The following RANBP17 variants were observed in gnomAD, a reference collection of about 807,000 sequenced individuals.
RANBP17 encodes RAN binding protein 17.
A neutral mutation model predicts 141.2 loss-of-function variants in RANBP17; 158 were observed. That is an observed-to-expected ratio of 1.12 (90% CI 0.98 to 1.28). RANBP17 has a LOEUF of 1.28. RANBP17 is among the 50% of genes most tolerant of loss of function. RANBP17 has a pLI of 0.00. For synonymous variants in RANBP17, 430 were observed against 450.0 expected (o/e 0.96, Z 0.56); for missense variants, 1,438 against 1,290.7 (o/e 1.11, Z -1.75).
intron 12 of RANBP17, among the ~76,000 whole-genome samples, chr5:170,935,004 T>C (rs1402743963): frequency 6.6e-6 from 1 of 152,194 alleles, no homozygotes; most frequent in African/African-American, 2.4e-5. Flanking sequence ...TTTGTTCATT[T>C]CTTTTTACTC....
intron 14 of RANBP17, among the ~76,000 whole-genome samples, chr5:171,022,421 CTG>C (rs1004293392): frequency 6.6e-6 from 1 of 152,232 alleles, no homozygotes; most frequent in African/African-American, 2.4e-5. Context: ...TCCGCAAAGA[CTG>C]TGGCCATCCT....
intron 14 of RANBP17, among the ~76,000 whole-genome samples, chr5:171,133,132 C>T (rs984120128): frequency 1.6e-4 from 25 of 152,166 alleles, no homozygotes; most frequent in Admixed American, 1.3e-4. Context: ...GATCCACCCA[C>T]CTCAGCCTCC....
chr5:170,978,589 A>T (rs2127545802), intron 14 of RANBP17, among the ~76,000 whole-genome samples: 1 of 152,326 alleles, frequency 6.6e-6, no homozygotes. Context: ...TTCAGCTATG[A>T]TGAAGAATGA....
intron 12 of RANBP17, among the ~76,000 whole-genome samples, chr5:170,933,066 T>C (rs1773538420): frequency 6.6e-6 from 1 of 152,204 alleles, no homozygotes; most frequent in Non-Finnish European, 1.5e-5. Flanking sequence ...TGGTAGGCTA[T>C]TAATTATTGC....
At chr5:171,089,447 C>T (rs1469778376) in intron 14 of RANBP17, among the ~76,000 whole-genome samples, 5 of 152,142 alleles carry the variant, frequency 3.3e-5, no homozygotes, top group African/African-American at 1.2e-4. Context: ...GTGGAGCCTA[C>T]AGAGGCAGGC....
chr5:171,199,044 G>A (rs1019045413), intron 18 of RANBP17, among the ~76,000 whole-genome samples: 10 of 151,718 alleles, frequency 6.6e-5, no homozygotes, highest in African/African-American at 2.2e-4. Flanking sequence ...AAAGTTAATA[G>A]GAAATGTCTC....
At chr5:171,256,910 A>G (rs189133087) in intron 24 of RANBP17, among the ~76,000 whole-genome samples, 2 of 152,246 alleles carry the variant, frequency 1.3e-5, no homozygotes, top group Non-Finnish European at 2.9e-5. Context: ...TCAAATCAGT[A>G]ATTTAAAAAA....
At chr5:171,252,064 G>A in intron 24 of RANBP17, 6 of 1,602,890 alleles carry the variant, frequency 3.7e-6, no homozygotes, top group South Asian at 1.1e-5. Flanking sequence ...TACATGCTTA[G>A]CAGATCTCTT....
chr5:171,127,902 T>G (rs1470230377), intron 14 of RANBP17, among the ~76,000 whole-genome samples: 2 of 152,202 alleles, frequency 1.3e-5, no homozygotes, highest in African/African-American at 4.8e-5. Context: ...GGCTCACGCC[T>G]GTAATCCCAG....
intron 12 of RANBP17, among the ~76,000 whole-genome samples, chr5:170,931,429 A>G (rs1026494473): frequency 6.6e-6 from 1 of 152,042 alleles, no homozygotes; most frequent in African/African-American, 2.4e-5. Flanking sequence ...CAATTTGTCA[A>G]TTTTGTCTTT....
chr5:170,980,070 T>C (rs547751614), intron 14 of RANBP17, among the ~76,000 whole-genome samples: 1 of 152,310 alleles, frequency 6.6e-6, no homozygotes, highest in Middle Eastern at 3.4e-3. Flanking sequence ...AGGTGACTCT[T>C]ACTATGTTTT....
chr5:171,147,496 A>G (rs1311988141), intron 14 of RANBP17, among the ~76,000 whole-genome samples: 1 of 147,596 alleles, frequency 6.8e-6, no homozygotes, highest in Non-Finnish European at 1.5e-5. Context: ...GCTCACTGCA[A>G]CCTCCACCTC....
intron 13 of RANBP17, among the ~76,000 whole-genome samples, chr5:170,955,681 T>TATACAC (rs769742239): frequency 0.16 from 5,990 of 37,374 alleles, 1,617 homozygotes; most frequent in South Asian, 0.29. Flanking sequence ...TATATATATA[T>TATACAC]ACACTGAATG....
chr5:171,075,695 G>A (rs1055532291), intron 14 of RANBP17, among the ~76,000 whole-genome samples: 1 of 152,208 alleles, frequency 6.6e-6, no homozygotes, highest in African/African-American at 2.4e-5. Context: ...GCTCAAGCCT[G>A]TAATCCCAGC....
chr5:170,971,380 A>G (rs535040603), intron 14 of RANBP17, among the ~76,000 whole-genome samples: 1 of 152,326 alleles, frequency 6.6e-6, no homozygotes, highest in East Asian at 1.9e-4. Flanking sequence ...ATGCTATGAA[A>G]ATAGCGATTT....
At chr5:171,238,384 A>AAAT (rs10626157) in intron 22 of RANBP17, among the ~76,000 whole-genome samples, 123,508 of 151,880 alleles carry the variant, frequency 0.81, 50,652 homozygotes, top group East Asian at 1. Flanking sequence ...TTATGATTCT[A>AAAT]AATATTTCTT....
chr5:171,199,838 A>G, intron 19 of RANBP17, 65 bp downstream of exon 19: 1 of 969,608 alleles, frequency 1.0e-6, no homozygotes, highest in South Asian at 1.5e-5. Context: ...AGATCCAGAA[A>G]AGGGCTTTGC....
chr5:171,094,576 A>G (rs555627170), intron 14 of RANBP17, among the ~76,000 whole-genome samples: 2 of 152,322 alleles, frequency 1.3e-5, no homozygotes, highest in East Asian at 3.9e-4. Context: ...TTAAATAACA[A>G]TAGAAGCTCT....
intron 14 of RANBP17, among the ~76,000 whole-genome samples, chr5:171,053,257 G>A (rs1783085365): frequency 6.6e-6 from 1 of 151,796 alleles, no homozygotes; most frequent in Non-Finnish European, 1.5e-5. Context: ...TTCGTTACAT[G>A]GGTAAATTGT....
Sources: gnomAD v4.1 joint callset for allele counts (sites outside exome capture counted in the v4.1 genomes callset) on GRCh38, gnomAD v4.1.1 for gene constraint, MANE v1.5 for transcripts, NCBI Gene and HGNC (gene_info 2026-07-23, HGNC 2026-07-21) for gene names.